The following SPRY1 variants were observed in gnomAD, a reference collection of about 807,000 sequenced individuals.
The protein encoded by SPRY1 is sprouty RTK signaling antagonist 1.
A neutral mutation model predicts 22.6 loss-of-function variants in SPRY1; 20 were observed. The observed-to-expected ratio is 0.89, with a 90% CI of 0.62 to 1.29. SPRY1 has a LOEUF of 1.29. SPRY1 is among the 50% of genes most tolerant of loss of function. The probability of loss-of-function intolerance (pLI) is 0.00; values close to 1 mark genes in which losing one functional copy is unlikely to be tolerated. For synonymous variants in SPRY1, 155 were observed against 144.7 expected (o/e 1.07, Z -0.51); for missense variants, 446 against 387.7 (o/e 1.15, Z -1.26).
rs1415724393 is a variant in SPRY1 at position 123,401,910 on chromosome 4, A to G, written c.319A>G (p.Arg107Gly). ...ACATGCAGTACTCCCAAGTAATGCC[A>G]GGGGCCCCATTTTGAGCAGATCAAC... is the stretch of plus-strand genomic sequence containing the variant. ...LGHAVLPSNA[R>G]GPILSRSTST... Residue 107 changes from arginine to glycine, a missense_variant, in exon 3 of 3, where the codon AGG (arginine) becomes GGG (glycine). By Grantham distance (125) the Arg-to-Gly change is moderately radical (BLOSUM62 -2). Coordinates refer to ENST00000651917, the MANE Select transcript of SPRY1 (RefSeq NM_001258038.2). 6.2e-7 allele frequency: 1 copy of G among 1,613,418 alleles called. No homozygotes were observed. The highest frequency in any genetic ancestry group is 2.2e-5 in the East Asian group (1 of 44,872).
chr4:123,402,009 C>T lies in SPRY1; in HGVS notation c.418C>T (p.Pro140Ser), dbSNP rs1725180233. 6.2e-7 allele frequency: 1 copy of T among 1,614,034 alleles called. No individual in the cohort carries two copies. The highest frequency in any genetic ancestry group is 1.1e-5 in the South Asian group (1 of 91,080). ...TGAACAGGGACTGTTAGGAAGGTCA[C>T]CACCAACCAGACCAGTCCCTGGTCA... ...SSEQGLLGRS[P>S]PTRPVPGHRS... Residue 140 changes from proline to serine, a missense_variant, in exon 3 of 3, where the codon CCA becomes TCA. By Grantham distance (74) the Pro-to-Ser change is moderately conservative. Transcript: ENST00000651917.
At chr4:123,398,007 C>G (rs1299940965) in intron 2 of SPRY1, 151 bp downstream of exon 2, 1 of 152,108 alleles carries the variant, frequency 6.6e-6, no homozygotes, top group Admixed American at 6.5e-5. Flanking sequence ...TCTCGAACGC[C>G]CGTGACGTGG....
chr4:123,398,626 GGGAGA>G (rs1427752577), intron 2 of SPRY1: 2 of 151,996 alleles, frequency 1.3e-5, no homozygotes, highest in Admixed American at 6.6e-5. Flanking sequence ...CCAGGACTCC[GGGAGA>G]GGAGGGGAGG....
At position 123,403,511 on chromosome 4, in the gene SPRY1, T is replaced by C. The variant is rs1054637611; in HGVS notation, c.*960T>C. On this transcript the variant is annotated 3_prime_UTR_variant, in exon 3 of 3. Transcript: ENST00000651917. Reference sequence around the variant, plus strand: ...ACCACAAATTGTGGTGCTTTTTGTATATTTTATGTATAAATCACAAAGTTG... The same window carrying C: ...ACCACAAATTGTGGTGCTTTTTGTACATTTTATGTATAAATCACAAAGTTG... 5 of 167,232 alleles carry C rather than the reference T, an allele frequency of 3.0e-5. No homozygotes were observed. The highest frequency in any genetic ancestry group is 9.6e-5 in the African/African-American group (4 of 41,594). 10.4% of individuals were successfully genotyped at this position (167,232 alleles called of 1,614,324 possible).
chr4:123,402,278 C>T lies in SPRY1; in HGVS notation c.687C>T (p.Phe229=). The stretch of plus-strand genomic sequence containing the variant: ...GCATGTGCTTAGTCAAGGGCATCTT[C>T]TACCACTGCTCCAATGACGACGAAG... ...GTCMCLVKGI[F]YHCSNDDEGD... The change falls in exon 3 of 3, where the codon TTC becomes TTT. Residue 229 remains phenylalanine (F), a synonymous_variant. Coordinates refer to ENST00000651917, the MANE Select transcript of SPRY1 (RefSeq NM_001258038.2). 1 of 1,614,238 alleles carries T rather than the reference C, an allele frequency of 6.2e-7. No individual in the cohort carries two copies. Among genetic ancestry groups the T allele is most frequent in the Non-Finnish European group, 8.5e-7 (1 of 1,180,032 alleles).
rs563703944 is a variant in SPRY1, at chr4:123,397,087, C to T, written c.-302+155C>T. On this transcript the variant is annotated intron_variant, in intron 1 of 2. Coordinates refer to ENST00000651917, the MANE Select transcript of SPRY1 (RefSeq NM_001258038.2). ...ACCGGTAGCATTCCCACTGCTAAAA[C>T]TAATGCTCTTAAAGTAAATGCTACC... Among the ~76,000 whole-genome samples the T allele has an allele frequency of 9.2e-5, 14 of 152,294 alleles. No individual in the cohort carries two copies. The South Asian group carries it at 2.7e-3, about 29-fold the overall frequency.
Position 123,402,893 on chromosome 4 carries a change from T to TA in SPRY1, c.*343dup. ...CACCCACATCCAGACTACAGTGATT[T>TA]AGAGTTGTTTTGATTGGGTACCGTG... On this transcript the variant is annotated 3_prime_UTR_variant, in exon 3 of 3. Coordinates refer to ENST00000651917, the MANE Select transcript of SPRY1 (RefSeq NM_001258038.2). The TA allele has an allele frequency of 2.2e-6, 1 of 447,102 alleles. No individual in the cohort carries two copies. Among genetic ancestry groups the TA allele is most frequent in the Non-Finnish European group, 4.1e-6 (1 of 245,504 alleles). 27.7% of individuals were successfully genotyped at this position (447,102 alleles called of 1,614,324 possible). A position where few individuals can be genotyped will look rare whatever the true frequency, so the allele number is the denominator to read the frequency against.
intron 2 of SPRY1, among the ~76,000 whole-genome samples, chr4:123,399,328 G>A (rs1186377024): frequency 3.3e-5 from 5 of 151,546 alleles, no homozygotes; most frequent in African/African-American, 1.2e-4. Flanking sequence ...GTGAGCCAAG[G>A]TCGCGCCACT....
chr4:123,401,666 G>T lies in SPRY1; in HGVS notation c.75G>T (p.Gln25His). Reference protein sequence around the residue: ...VIQQPSLDSRQRLDYEREIQP... With the variant: ...VIQQPSLDSRHRLDYEREIQP... ...AGCAGCCTTCTTTGGATAGCCGTCA[G>T]AGATTAGACTATGAGAGAGAGATTC... Residue 25 changes from glutamine to histidine, a missense_variant, in exon 3 of 3, where the codon CAG (glutamine) becomes CAT (histidine). Transcript: ENST00000651917. 1 of 1,614,176 alleles carries T rather than the reference G, an allele frequency of 6.2e-7. No homozygotes were observed. Among genetic ancestry groups the T allele is most frequent in the Non-Finnish European group, 8.5e-7 (1 of 1,180,052 alleles).
intron 2 of SPRY1, among the ~76,000 whole-genome samples, chr4:123,400,822 T>C (rs986837380): frequency 3.9e-5 from 6 of 152,208 alleles, no homozygotes; most frequent in African/African-American, 1.4e-4. Flanking sequence ...ATTTCAAATA[T>C]GAGTACTGTT....
intron 2 of SPRY1, 128 bp from the exon 3 acceptor site, chr4:123,401,409 A>T (rs1426422888): frequency 1.4e-6 from 1 of 737,144 alleles, no homozygotes; most frequent in Non-Finnish European, 2.2e-6. Flanking sequence ...CATCATTGTA[A>T]TCCACTGATG....
At chr4:123,399,749 GA>G (rs1364791733) in intron 2 of SPRY1, 1 of 152,242 alleles carries the variant, frequency 6.6e-6, no homozygotes, top group Non-Finnish European at 1.5e-5. Context: ...AAGTGTGTTG[GA>G]AATCCACGGT....
Position 123,402,605 on chromosome 4 carries a change from T to G in SPRY1, c.*54T>G. 6.7e-7 allele frequency: 1 copy of G among 1,487,402 alleles called. No individual in the cohort carries two copies. Among genetic ancestry groups the G allele is most frequent in the Non-Finnish European group, 9.0e-7 (1 of 1,116,390 alleles). 92.1% of individuals were successfully genotyped at this position (1,487,402 alleles called of 1,614,324 possible). A position where few individuals can be genotyped will look rare whatever the true frequency, so the allele number is the denominator to read the frequency against. ...CTTTTAGCTTTCAAGTTGTGGCTGT[T>G]TTTTGTTTTTGTTTTTGTTTTTGTT... is the stretch of plus-strand genomic sequence containing the variant. On this transcript the variant is annotated 3_prime_UTR_variant, in exon 3 of 3. Coordinates refer to ENST00000651917, the MANE Select transcript of SPRY1 (RefSeq NM_001258038.2).
chr4:123,400,931 G>A (rs574598424), intron 2 of SPRY1, among the ~76,000 whole-genome samples: 15 of 152,164 alleles, frequency 9.9e-5, no homozygotes, highest in Middle Eastern at 3.4e-3. Context: ...ATTTATTTTT[G>A]CATCTCATAG....
intron 2 of SPRY1, chr4:123,400,393 G>A (rs1725097673): frequency 6.6e-6 from 1 of 152,202 alleles, no homozygotes; most frequent in African/African-American, 2.4e-5. Context: ...TGGTAGTGGA[G>A]AATGGACATT....
chr4:123,398,881 G>A (rs1725027516), intron 2 of SPRY1, among the ~76,000 whole-genome samples: 2 of 152,026 alleles, frequency 1.3e-5, no homozygotes, highest in Admixed American at 6.5e-5. Context: ...GGATGTCCCC[G>A]GAGGCCCTCT....
intron 2 of SPRY1, 66 bp from the exon 3 acceptor site, chr4:123,401,471 C>G (rs970897106): frequency 1.8e-5 from 22 of 1,210,702 alleles, no homozygotes; most frequent in South Asian, 3.0e-5. Flanking sequence ...ACAGGATTCC[C>G]CCCCCCCAAA....
At position 123,401,677 on chromosome 4, in the gene SPRY1, A is replaced by G. The variant is rs141161959; in HGVS notation, c.86A>G (p.Tyr29Cys). Residue 29 changes from tyrosine (Y) to cysteine (C), a missense_variant, in exon 3 of 3, where the codon TAT (tyrosine) becomes TGT (cysteine). Transcript: ENST00000651917. ...PSLDSRQRLD[Y>C]EREIQPTAIL... Reference sequence around the variant, plus strand: ...TTGGATAGCCGTCAGAGATTAGACTATGAGAGAGAGATTCAGCCTACTGCT... The same window carrying G: ...TTGGATAGCCGTCAGAGATTAGACTGTGAGAGAGAGATTCAGCCTACTGCT... 1,997 of 1,614,040 alleles carry G rather than the reference A, an allele frequency of 1.2e-3. 2 individuals carry two copies. Among genetic ancestry groups the G allele is most frequent in the Non-Finnish European group, 1.6e-3 (1,843 of 1,180,036 alleles).
In SPRY1 at chr4:123,402,299, C is replaced by T. The variant is rs952571434; in HGVS notation, c.708C>T (p.Asp236=). The T allele has an allele frequency of 1.9e-6, 3 of 1,614,098 alleles. No individual in the cohort carries two copies. Among genetic ancestry groups the T allele is most frequent in the South Asian group, 1.1e-5 (1 of 91,092 alleles). The change falls in exon 3 of 3, where the codon GAC becomes GAT. Residue 236 remains aspartate (D), a synonymous_variant. Transcript: ENST00000651917. ...TCTTCTACCACTGCTCCAATGACGACGAAGGGGATTCCTATTCAGATAATC... is the reference window on the plus strand; with the variant it reads ...TCTTCTACCACTGCTCCAATGACGATGAAGGGGATTCCTATTCAGATAATC... ...KGIFYHCSND[D]EGDSYSDNPC... is the part of the protein sequence containing the mutation.
Sources: gnomAD v4.1 joint callset for allele counts (sites outside exome capture counted in the v4.1 genomes callset) on GRCh38, gnomAD v4.1.1 for gene constraint, MANE v1.5 for transcripts, NCBI Gene and HGNC (gene_info 2026-07-23, HGNC 2026-07-21) for gene names.